ADAM33: variants seen among roughly 807,000 people sequenced by gnomAD.
ADAM33 encodes ADAM metallopeptidase domain 33, also known as disintegrin and metalloproteinase domain-containing protein 33.
A neutral mutation model predicts 106.2 loss-of-function variants in ADAM33; 103 were observed. The observed-to-expected ratio is 0.97, with a 90% CI of 0.83 to 1.14. The LOEUF is 1.14. Among genes scored for constraint, ADAM33 ranks in the 50% most tolerant of loss-of-function variants. ADAM33 has a pLI of 0.00. For missense variants in ADAM33, 1,120 were observed against 1,096.6 expected (o/e 1.02, Z -0.30); for synonymous variants, 483 against 453.0 (o/e 1.07, Z -0.84).
intron 3 of ADAM33, among the ~76,000 whole-genome samples, chr20:3,676,691 G>C (rs1316330742): frequency 6.6e-6 from 1 of 152,130 alleles, no homozygotes; most frequent in Non-Finnish European, 1.5e-5. Flanking sequence ...CGCCCGCCTC[G>C]GCCTCCCAAA....
rs1600214916 is a variant in ADAM33, at chr20:3,672,748, G to C, written c.1284C>G (p.Gly428=). The C allele has an allele frequency of 6.4e-7, 1 of 1,568,346 alleles. No individual in the cohort carries two copies. The highest frequency in any genetic ancestry group is 8.6e-7 in the Non-Finnish European group (1 of 1,156,812). ...GGCCAGGGCCGCAGTCACACTCCTCGCCCGCTTCCACGAAGCCGTTCCCGC... is the reference window on the plus strand; with the variant it reads ...GGCCAGGGCCGCAGTCACACTCCTCCCCCGCTTCCACGAAGCCGTTCCCGC... ...ALCGNGFVEA[G]EECDCGPGQE... The change falls in exon 12 of 22, where the codon GGC becomes GGG. Residue 428 remains glycine, a synonymous_variant. Transcript: ENST00000356518.
intron 3 of ADAM33, among the ~76,000 whole-genome samples, chr20:3,676,531 G>A (rs534660373): frequency 2.0e-5 from 3 of 151,030 alleles, no homozygotes; most frequent in Admixed American, 6.6e-5. Context: ...CTCTACCTCC[G>A]GGGTTCAAGC....
intron 19 of ADAM33, 76 bp downstream of exon 19, chr20:3,670,930 G>A: frequency 6.8e-7 from 1 of 1,463,092 alleles, no homozygotes; most frequent in Non-Finnish European, 9.0e-7. Context: ...GCCTGCCCCA[G>A]CTCCCACAGC....
Position 3,673,799 on chromosome 20 carries a change from TGCAG to T in ADAM33, c.847_850del (p.Leu283SerfsTer45). On this transcript the variant is annotated frameshift_variant, in exon 9 of 22. Transcript: ENST00000356518. LOFTEE classifies it high-confidence loss of function. ...CTGCGCCCACAGCCCCCGGCGCCAC[TGCAG>T]GAAGGCCCAGAGCGTGGCGTTGGCG... 1 of 1,541,288 alleles carries T rather than the reference TGCAG, an allele frequency of 6.5e-7. No homozygotes were observed. The highest frequency in any genetic ancestry group is 1.2e-5 in the South Asian group (1 of 84,650).
chr20:3,679,633 G>T, intron 1 of ADAM33, 62 bp from the exon 2 acceptor site: 1 of 1,456,878 alleles, frequency 6.9e-7, no homozygotes, highest in Non-Finnish European at 9.4e-7. Flanking sequence ...ATGGGACAAA[G>T]CAGAGGGAGG....
At position 3,672,612 on chromosome 20, in the gene ADAM33, G is replaced by A; in HGVS notation, c.1326C>T (p.Leu442=). ...GCGAGCAGTTGTGAGCAAAGCAGCAGAGGTCGCGGCACTCCTGGGACCAGA... is the reference window on the plus strand; with the variant it reads ...GCGAGCAGTTGTGAGCAAAGCAGCAAAGGTCGCGGCACTCCTGGGACCAGA... The part of the protein sequence containing the change: ...DCGPGQECRD[L]CCFAHNCSLR... Residue 442 remains leucine (L), a synonymous_variant, in exon 13 of 22, where the codon CTC becomes CTT. Transcript: ENST00000356518. 6.2e-7 allele frequency: 1 copy of A among 1,613,550 alleles called. No homozygotes were observed. The highest frequency in any genetic ancestry group is 1.1e-5 in the South Asian group (1 of 91,082).
chr20:3,680,106 G>C (rs2088352286), intron 1 of ADAM33, among the ~76,000 whole-genome samples: 1 of 152,118 alleles, frequency 6.6e-6, no homozygotes, highest in African/African-American at 2.4e-5. Context: ...GGCCCAGAAG[G>C]CCCCTCCTCA....
chr20:3,671,497 C>T lies in ADAM33; in HGVS notation c.1906-1G>A. The T allele has an allele frequency of 1.2e-6, 2 of 1,610,812 alleles. No homozygotes were observed. Among genetic ancestry groups the T allele is most frequent in the Non-Finnish European group, 1.7e-6 (2 of 1,178,130 alleles). On this transcript the variant is annotated splice_acceptor_variant, in intron 16 of 21. Transcript: ENST00000356518. LOFTEE classifies it high-confidence loss of function. ...TCCTGCAGCGCCTGCTCTGGCACAC[C>T]TACGGGCAGTGCACCAGGCAGTGAG...
intron 11 of ADAM33, 168 bp from the exon 12 acceptor site, chr20:3,673,066 C>G: frequency 6.9e-7 from 1 of 1,444,248 alleles, no homozygotes; most frequent in Non-Finnish European, 9.1e-7. Context: ...ACGATGCGGC[C>G]CCAATAGTGA....
intron 11 of ADAM33, 187 bp from the exon 12 acceptor site, chr20:3,673,085 G>T (rs1271566681): frequency 9.7e-6 from 14 of 1,450,058 alleles, no homozygotes; most frequent in Admixed American, 2.5e-5. Context: ...GAGCAGCCCG[G>T]GACCCAAGGT....
rs41373349 is a variant in ADAM33 at position 3,675,359 on chromosome 20, G to A, written c.255-254C>T. On this transcript the variant is annotated intron_variant, in intron 3 of 21. Coordinates refer to ENST00000356518, the MANE Select transcript of ADAM33 (RefSeq NM_025220.5). This position sits in a 1 kb window ranked among gnomAD's most constrained non-coding sequence, Gnocchi z 4.1. Reference sequence around the variant, plus strand: ...GAAGCACCAGGGAGGACGCCGGGGAGGAGTGGGAATAGGGGAAGAGTTTGT... The same window carrying A: ...GAAGCACCAGGGAGGACGCCGGGGAAGAGTGGGAATAGGGGAAGAGTTTGT... Among the ~76,000 whole-genome samples, 227 of 152,268 alleles carry A rather than the reference G, an allele frequency of 1.5e-3. No homozygotes were observed. Among genetic ancestry groups the A allele is most frequent in the African/African-American group, 4.9e-3 (204 of 41,536 alleles).
At chr20:3,669,130 C>T in intron 21 of ADAM33, 130 bp from the exon 22 acceptor site, 2 of 1,263,394 alleles carry the variant, frequency 1.6e-6, no homozygotes, top group Non-Finnish European at 2.3e-6. Flanking sequence ...CCCTCCCCAG[C>T]CCAGGGGCTT....
intron 3 of ADAM33, 75 bp downstream of exon 3, chr20:3,676,992 C>T (rs1047015889): frequency 2.1e-5 from 31 of 1,506,336 alleles, no homozygotes; most frequent in South Asian, 3.6e-5. Flanking sequence ...TCCAGCCACC[C>T]GCACAGATCT....
At chr20:3,670,950 G>A in intron 19 of ADAM33, 56 bp downstream of exon 19, 2 of 1,501,994 alleles carry the variant, frequency 1.3e-6, no homozygotes, top group Non-Finnish European at 1.8e-6. Context: ...CCCCAGCAGA[G>A]CTCTGAGGAG....
At position 3,679,580 on chromosome 20, in the gene ADAM33, A is replaced by G. The variant is rs938949586; in HGVS notation, c.98-9T>C. The G allele has an allele frequency of 1.2e-6, 2 of 1,603,340 alleles. No homozygotes were observed. The highest frequency in any genetic ancestry group is 1.7e-5 in the Admixed American group (1 of 58,694). The stretch of plus-strand genomic sequence containing the variant: ...CTGCCCAGGGATATGTCCTGGAGTA[A>G]AGACAGAGCACAGGGTGAGGGGGAC... On this transcript the variant is annotated splice_polypyrimidine_tract_variant and intron_variant, in intron 1 of 21. Transcript: ENST00000356518.
At chr20:3,679,937 G>A (rs148097206) in intron 1 of ADAM33, among the ~76,000 whole-genome samples, 37 of 152,312 alleles carry the variant, frequency 2.4e-4, no homozygotes, top group Admixed American at 9.8e-4. Context: ...ATTTTTAGAT[G>A]GGCAGCAGAT....
intron 3 of ADAM33, among the ~76,000 whole-genome samples, chr20:3,676,002 G>C (rs2087924163): frequency 6.6e-6 from 1 of 152,050 alleles, no homozygotes; most frequent in African/African-American, 2.4e-5. Context: ...AATATGGTTG[G>C]GCACAGTGGA....
At chr20:3,669,954 C>A in intron 19 of ADAM33, 1 of 511,226 alleles carries the variant, frequency 2.0e-6, no homozygotes, top group Non-Finnish European at 3.6e-6. Flanking sequence ...CTTGGATGTC[C>A]GCCCCTTCGG....
chr20:3,670,827 G>A (rs1287337219), intron 19 of ADAM33, among the ~76,000 whole-genome samples, 179 bp downstream of exon 19: 3 of 152,140 alleles, frequency 2.0e-5, no homozygotes, highest in South Asian at 2.1e-4. Flanking sequence ...CCACCCCCTC[G>A]CTTGACTGGG....
Sources: gnomAD v4.1 joint callset for allele counts (sites outside exome capture counted in the v4.1 genomes callset) on GRCh38, gnomAD v4.1.1 for gene constraint, Gnocchi (gnomAD v3.1) non-coding constraint, MANE v1.5 for transcripts, NCBI Gene and HGNC (gene_info 2026-07-23, HGNC 2026-07-21) for gene names.